The following KLHL1 variants were observed in gnomAD, a reference collection of about 807,000 sequenced individuals.
The protein encoded by KLHL1 is kelch-like protein 1.
Under a neutral mutation model 77.7 loss-of-function variants are expected in KLHL1, and 47 were observed. The observed-to-expected ratio is 0.60, with a 90% CI of 0.48 to 0.77. KLHL1 has a LOEUF of 0.77. KLHL1 is among the 30% of genes least tolerant of loss of function. The probability of loss-of-function intolerance (pLI) is 0.00; values close to 1 mark genes in which losing one functional copy is unlikely to be tolerated. For synonymous variants in KLHL1, 360 were observed against 325.2 expected, an observed-to-expected ratio of 1.11 and a Z score of -1.15; for missense variants, 925 against 910.8, an observed-to-expected ratio of 1.02 and a Z score of -0.20.
intron 1 of KLHL1, among the ~76,000 whole-genome samples, chr13:70,045,412 CTTCTT>C (rs1886470086): frequency 2.0e-5 from 3 of 152,090 alleles, no homozygotes; most frequent in South Asian, 2.1e-4. Context: ...ACAAACCACT[CTTCTT>C]TTATTTCCAC....
At chr13:69,794,622 G>C (rs189349184) in intron 7 of KLHL1, among the ~76,000 whole-genome samples, 1 of 151,926 alleles carries the variant, frequency 6.6e-6, no homozygotes, top group Admixed American at 6.6e-5. Flanking sequence ...ATAAAAAAGA[G>C]TTAAAGAAGC....
chr13:69,760,620 G>T (rs113060568), intron 7 of KLHL1, among the ~76,000 whole-genome samples: 1 of 151,996 alleles, frequency 6.6e-6, no homozygotes, highest in Non-Finnish European at 1.5e-5. Flanking sequence ...CTCCCAAACT[G>T]CTGGGATTAC....
At position 69,964,917 on chromosome 13, in the gene KLHL1, G is replaced by A. The variant is rs556231129; in HGVS notation, c.681-3473C>T. On this transcript the variant is annotated intron_variant, in intron 2 of 10. Coordinates refer to ENST00000377844, the MANE Select transcript of KLHL1 (RefSeq NM_020866.3). ...TCAATAACATTCTCCTGCATTTTCT[G>A]TCTACAGTAAAATTTGATTACATAA... 7.2e-5 allele frequency among the ~76,000 whole-genome samples: 11 copies of A among 151,798 alleles called. No homozygotes were observed. In the South Asian group the frequency reaches 1.5e-3, roughly 20 times the overall value.
At chr13:69,722,933 G>A (rs1873136406) in intron 8 of KLHL1, among the ~76,000 whole-genome samples, 1 of 151,896 alleles carries the variant, frequency 6.6e-6, no homozygotes, top group Non-Finnish European at 1.5e-5. Flanking sequence ...CTCAACAATG[G>A]ATAAATGGAT....
intron 6 of KLHL1, among the ~76,000 whole-genome samples, chr13:69,835,449 CAAT>C (rs1878948457): frequency 6.6e-6 from 1 of 152,050 alleles, no homozygotes; most frequent in South Asian, 2.1e-4. Flanking sequence ...AGGTTTCCAA[CAAT>C]AAGATCTGGA....
intron 7 of KLHL1, among the ~76,000 whole-genome samples, chr13:69,753,841 G>GA (rs67082157): frequency 2.7e-5 from 4 of 150,556 alleles, no homozygotes; most frequent in East Asian, 2.0e-4. Flanking sequence ...AGAAATAATT[G>GA]AAAAAAAAAA....
At chr13:69,754,519 T>C (rs909286784) in intron 7 of KLHL1, among the ~76,000 whole-genome samples, 2 of 152,186 alleles carry the variant, frequency 1.3e-5, no homozygotes, top group Non-Finnish European at 2.9e-5. Flanking sequence ...TTATTATACA[T>C]CTTCCAAATT....
chr13:69,895,208 G>C (rs773597071), intron 4 of KLHL1: 2 of 506,486 alleles, frequency 3.9e-6, no homozygotes, highest in Admixed American at 2.1e-5. Flanking sequence ...TGAATGTGAG[G>C]TGTTACCAGT....
intron 5 of KLHL1, among the ~76,000 whole-genome samples, chr13:69,858,427 T>C (rs1035631907): frequency 6.6e-6 from 1 of 152,066 alleles, no homozygotes; most frequent in African/African-American, 2.4e-5. Flanking sequence ...TTAGTACAAA[T>C]GCAAGCTTGA....
intron 1 of KLHL1, among the ~76,000 whole-genome samples, chr13:70,056,012 CA>C (rs1188563283): frequency 6.6e-6 from 1 of 151,946 alleles, no homozygotes; most frequent in Non-Finnish European, 1.5e-5. Flanking sequence ...GAACTCCAAT[CA>C]AAAGACATGC....
At chr13:69,707,540 T>C in intron 10 of KLHL1, 85 bp downstream of exon 10, 1 of 1,297,066 alleles carries the variant, frequency 7.7e-7, no homozygotes, top group Non-Finnish European at 1.1e-6. Flanking sequence ...TTAGACTAGA[T>C]TACTGTTTGT....
chr13:69,761,931 C>CT (rs1342809226), intron 7 of KLHL1, among the ~76,000 whole-genome samples: 2 of 152,082 alleles, frequency 1.3e-5, no homozygotes, highest in African/African-American at 4.8e-5. Context: ...TATGATCAAT[C>CT]TTTAGTTTGT....
intron 5 of KLHL1, among the ~76,000 whole-genome samples, chr13:69,863,082 T>A (rs920599126): frequency 6.6e-6 from 1 of 152,162 alleles, no homozygotes; most frequent in Non-Finnish European, 1.5e-5. Context: ...ACTAAAATGT[T>A]TTTATTCCAC....
Position 69,828,939 on chromosome 13 carries a change from C to A in KLHL1, c.1414+10037G>T, listed in dbSNP as rs546579405. Among the ~76,000 whole-genome samples the A allele has an allele frequency of 3.3e-5, 5 of 150,302 alleles. No individual in the cohort carries two copies. The South Asian group carries it at 1.0e-3, about 31-fold the overall frequency. ...GAGTCTGAGCTCAGATATGCCTAAC[C>A]CTGCACCCACCAAGCCTTTCTCTAC... On this transcript the variant is annotated intron_variant, in intron 6 of 10. Coordinates refer to ENST00000377844, the MANE Select transcript of KLHL1 (RefSeq NM_020866.3).
At chr13:69,723,865 C>T (rs1453510865) in intron 8 of KLHL1, among the ~76,000 whole-genome samples, 12 of 131,690 alleles carry the variant, frequency 9.1e-5, no homozygotes, top group African/African-American at 3.5e-4. Flanking sequence ...TTTTCTGAGA[C>T]GGAGTCTTGC....
chr13:69,766,202 T>C (rs1422246328), intron 7 of KLHL1, among the ~76,000 whole-genome samples: 2 of 152,128 alleles, frequency 1.3e-5, no homozygotes, highest in African/African-American at 2.4e-5. Flanking sequence ...AAATTTAGCT[T>C]GGAGGACACA....
chr13:70,044,580 C>T (rs745871163), intron 1 of KLHL1, among the ~76,000 whole-genome samples: 2 of 151,852 alleles, frequency 1.3e-5, no homozygotes, highest in Non-Finnish European at 2.9e-5. Context: ...AGATACATGC[C>T]TTGGTGTGAG....
intron 1 of KLHL1, among the ~76,000 whole-genome samples, chr13:70,079,638 G>A (rs1887347410): frequency 6.6e-6 from 1 of 152,108 alleles, no homozygotes; most frequent in Non-Finnish European, 1.5e-5. Flanking sequence ...CAATAATCAT[G>A]ATTATTATAA....
At chr13:70,050,021 C>T (rs1254903109) in intron 1 of KLHL1, among the ~76,000 whole-genome samples, 2 of 151,668 alleles carry the variant, frequency 1.3e-5, no homozygotes, top group Non-Finnish European at 2.9e-5. Context: ...ATGTAAAATA[C>T]AGAATTAAAA....
Sources: gnomAD v4.1 joint callset for allele counts (sites outside exome capture counted in the v4.1 genomes callset) on GRCh38, gnomAD v4.1.1 for gene constraint, MANE v1.5 for transcripts, NCBI Gene and HGNC (gene_info 2026-07-23, HGNC 2026-07-21) for gene names.